Variants in NMU observed in about 807,000 individuals in gnomAD.
NMU encodes the protein neuromedin U, also known as neuromedin-U.
Under a neutral mutation model 35.4 loss-of-function variants are expected in NMU, and 29 were observed. The observed-to-expected ratio is 0.82, with a 90% CI of 0.61 to 1.12. NMU has a LOEUF of 1.12. Ranked by LOEUF, NMU falls within the 50% of genes most tolerant of loss-of-function variation. The pLI, the probability that NMU is intolerant of heterozygous loss-of-function variation, is 0.00. For missense variants in NMU, 199 were observed against 206.2 expected (o/e 0.97, Z 0.21); for synonymous variants, 78 against 81.3 (o/e 0.96, Z 0.22).
At chr4:55,636,319 A>G (rs1034101076), upstream of NMU, 2 of 1,315,138 alleles carry the variant, frequency 1.5e-6, no homozygotes, top group Non-Finnish European at 2.0e-6. This position sits in a 1 kb window ranked among gnomAD's most constrained non-coding sequence, Gnocchi z 4.0. Context: ...CGAGCCGCCA[A>G]CTTTTAAATC....
chr4:55,606,306 T>C (rs1362075965), intron 6 of NMU, among the ~76,000 whole-genome samples: 2 of 152,190 alleles, frequency 1.3e-5, no homozygotes, highest in Non-Finnish European at 2.9e-5. Flanking sequence ...GTATCCTAGA[T>C]TGAAACACCA....
At chr4:55,604,357 GA>G (rs1449514516) in intron 7 of NMU, among the ~76,000 whole-genome samples, 5 of 151,846 alleles carry the variant, frequency 3.3e-5, no homozygotes, top group South Asian at 4.2e-4. Flanking sequence ...TGAGCGACAA[GA>G]GTTAGGATTC....
intron 3 of NMU, among the ~76,000 whole-genome samples, chr4:55,615,264 G>A (rs1453584337): frequency 6.6e-6 from 1 of 152,204 alleles, no homozygotes; most frequent in Non-Finnish European, 1.5e-5. Context: ...TGAGCTGTCT[G>A]GTAGGTGAAC....
chr4:55,600,577 T>C lies in NMU; in HGVS notation c.436-2A>G, dbSNP rs2110181608. On this transcript the variant is annotated splice_acceptor_variant, in intron 7 of 9. Transcript: ENST00000264218. LOFTEE classifies it high-confidence loss of function. Reference sequence around the variant, plus strand: ...TGCAAAGGGACTTTGGAATTCTTCCTAGAAGAGAAAATGAGGGCATTACAA... The same window carrying C: ...TGCAAAGGGACTTTGGAATTCTTCCCAGAAGAGAAAATGAGGGCATTACAA... The C allele has an allele frequency of 6.2e-7, 1 of 1,606,324 alleles. No homozygotes were observed. The highest frequency in any genetic ancestry group is 2.2e-5 in the East Asian group (1 of 44,720).
At chr4:55,619,734 A>G (rs1437768059) in intron 2 of NMU, among the ~76,000 whole-genome samples, 83 of 141,924 alleles carry the variant, frequency 5.8e-4, no homozygotes, top group African/African-American at 2.1e-3. Context: ...ACAAAAAGAC[A>G]GCAGTAACCT....
intron 1 of NMU, among the ~76,000 whole-genome samples, chr4:55,632,429 T>G (rs1294189124): frequency 2.0e-5 from 3 of 148,148 alleles, no homozygotes; most frequent in African/African-American, 8.0e-5. Context: ...AAATAACTTA[T>G]AAAGGTCATG....
chr4:55,635,141 G>C (rs1045940082), intron 1 of NMU, among the ~76,000 whole-genome samples: 3 of 152,140 alleles, frequency 2.0e-5, no homozygotes, highest in Middle Eastern at 3.2e-3. Flanking sequence ...TGCCAAGCTA[G>C]AAAATGTATA....
chr4:55,619,912 C>T (rs1236829081), intron 2 of NMU, among the ~76,000 whole-genome samples: 1 of 128,710 alleles, frequency 7.8e-6, no homozygotes, highest in Non-Finnish European at 1.7e-5. Context: ...CACACTGACA[C>T]CTCACAAGGC....
Position 55,600,578 on chromosome 4 carries a change from A to G in NMU, c.436-3T>C, listed in dbSNP as rs770344826. The G allele has an allele frequency of 5.0e-6, 8 of 1,605,754 alleles. No individual in the cohort carries two copies. The highest frequency in any genetic ancestry group is 1.1e-5 in the South Asian group (1 of 90,880). Reference sequence around the variant, plus strand: ...GCAAAGGGACTTTGGAATTCTTCCTAGAAGAGAAAATGAGGGCATTACAAA... The same window carrying G: ...GCAAAGGGACTTTGGAATTCTTCCTGGAAGAGAAAATGAGGGCATTACAAA... On this transcript the variant is annotated splice_region_variant and splice_polypyrimidine_tract_variant and intron_variant, in intron 7 of 9. Coordinates refer to ENST00000264218, the MANE Select transcript of NMU (RefSeq NM_006681.4).
At chr4:55,604,586 G>A (rs1733597458) in intron 7 of NMU, among the ~76,000 whole-genome samples, 1 of 144,024 alleles carries the variant, frequency 6.9e-6, no homozygotes, top group South Asian at 2.2e-4. Context: ...AAGCTGGAGT[G>A]CAGTGCAACC....
At chr4:55,634,390 T>A (rs1715792568) in intron 1 of NMU, among the ~76,000 whole-genome samples, 1 of 152,178 alleles carries the variant, frequency 6.6e-6, no homozygotes, top group African/African-American at 2.4e-5. Context: ...CTCATTCTTT[T>A]ACTTGAAAAA....
chr4:55,632,970 G>GA (rs57903053), intron 1 of NMU, among the ~76,000 whole-genome samples: 147 of 121,420 alleles, frequency 1.2e-3, no homozygotes, highest in Admixed American at 3.2e-3. Context: ...TTTCACTGTG[G>GA]AAAAAAAAAA....
At chr4:55,629,615 C>CAAAAA (rs10581873) in intron 2 of NMU, among the ~76,000 whole-genome samples, 1 of 88,802 alleles carries the variant, frequency 1.1e-5, no homozygotes. Context: ...GACCATGTCT[C>CAAAAA]AAAAAAAAAA....
chr4:55,630,414 C>T lies in NMU; in HGVS notation c.159G>A (p.Gln53=), dbSNP rs761152705. The T allele has an allele frequency of 5.6e-5, 91 of 1,612,042 alleles. 1 individual carries two copies. The highest frequency in any genetic ancestry group is 5.4e-4 in the South Asian group (49 of 91,012). The change falls in exon 2 of 10, where the codon CAG becomes CAA. Residue 53 remains glutamine (Q), a synonymous_variant. Coordinates refer to ENST00000264218, the MANE Select transcript of NMU (RefSeq NM_006681.4). ...PQGLQPEQQL[Q]LWNEIDDTCS... ...GATAGTTCCTTACCTCATTCCACAA[C>T]TGTAGCTGTTGTTCAGGCTGTAATC...
intron 2 of NMU, among the ~76,000 whole-genome samples, chr4:55,628,243 T>C (rs1734611507): frequency 6.6e-6 from 1 of 152,204 alleles, no homozygotes; most frequent in Admixed American, 6.5e-5. Context: ...TGGTTTTTAG[T>C]GTATTTACAG....
At chr4:55,630,321 A>G in intron 2 of NMU, 81 bp downstream of exon 2, 2 of 1,026,756 alleles carry the variant, frequency 1.9e-6, no homozygotes, top group South Asian at 1.3e-5. Context: ...TAGTTCTCCC[A>G]AAGCTCAATT....
At chr4:55,613,137 T>C (rs1174519856) in intron 3 of NMU, among the ~76,000 whole-genome samples, 2 of 152,078 alleles carry the variant, frequency 1.3e-5, no homozygotes, top group Admixed American at 1.3e-4. Context: ...AAACAGTAGA[T>C]ACCGAGGCCT....
chr4:55,635,790 A>T (rs1183195857), intron 1 of NMU, among the ~76,000 whole-genome samples: 1 of 152,192 alleles, frequency 6.6e-6, no homozygotes. Context: ...GGATGAGGGA[A>T]CCCTACCAGT....
Position 55,607,464 on chromosome 4 carries a change from T to C in NMU, c.282A>G (p.Glu94=), listed in dbSNP as rs745974955. Residue 94 remains glutamate (E), a splice_region_variant and synonymous_variant, in exon 5 of 10, where the codon GAA becomes GAG. Transcript: ENST00000264218. ...MIMGMLPKPQ[E]QDEKDNTKRF... ...TTTTAGTATTATCTTTTTCATCTTGTTCCTATTGAAAAGAGATATTGTATA... is the reference window on the plus strand; with the variant it reads ...TTTTAGTATTATCTTTTTCATCTTGCTCCTATTGAAAAGAGATATTGTATA... 2 of 964,798 alleles carry C rather than the reference T, an allele frequency of 2.1e-6. No homozygotes were observed. The highest frequency in any genetic ancestry group is 3.2e-6 in the Non-Finnish European group (2 of 618,478). The allele number at this position is 964,798 out of a possible 1,614,324, so 59.8% of individuals were successfully genotyped here.
Sources: gnomAD v4.1 joint callset for allele counts (sites outside exome capture counted in the v4.1 genomes callset) on GRCh38, gnomAD v4.1.1 for gene constraint, Gnocchi (gnomAD v3.1) non-coding constraint, MANE v1.5 for transcripts, NCBI Gene and HGNC (gene_info 2026-07-23, HGNC 2026-07-21) for gene names.